KIF6: variants seen among roughly 807,000 people sequenced by gnomAD.
KIF6 encodes the protein kinesin family member 6.
KIF6 carries 106 observed loss-of-function variants against 112.7 expected under a neutral mutation model. The ratio of observed to expected loss-of-function variants is 0.94; its 90% CI spans 0.80 to 1.11. KIF6 has a LOEUF of 1.11. KIF6 is among the 50% of genes least tolerant of loss of function. KIF6 has a pLI of 0.00. For synonymous variants in KIF6, 339 were observed against 339.9 expected (o/e 1.00, Z 0.03); for missense variants, 929 against 964.0 (o/e 0.96, Z 0.48).
At chr6:39,603,315 C>T (rs982418366) in intron 6 of KIF6, among the ~76,000 whole-genome samples, 1 of 152,122 alleles carries the variant, frequency 6.6e-6, no homozygotes. Context: ...GGACACTTTA[C>T]ATAACATCAA....
chr6:39,491,724 G>T (rs1197798446), intron 13 of KIF6, among the ~76,000 whole-genome samples: 1 of 152,134 alleles, frequency 6.6e-6, no homozygotes, highest in Admixed American at 6.6e-5. Context: ...TATTGGTGAG[G>T]CTTAAAGGAA....
chr6:39,419,819 G>T, intron 15 of KIF6, 129 bp downstream of exon 15: 2 of 816,034 alleles, frequency 2.5e-6, no homozygotes, highest in Non-Finnish European at 4.4e-6. Context: ...TCTCAAAGCA[G>T]CTTCCTTGGC....
intron 9 of KIF6, 78 bp downstream of exon 9, chr6:39,584,820 G>T (rs1331495903): frequency 1.7e-5 from 14 of 840,144 alleles, no homozygotes; most frequent in Non-Finnish European, 2.4e-5. Context: ...CCAGTACAGA[G>T]CAAGTGCACC....
intron 3 of KIF6, among the ~76,000 whole-genome samples, chr6:39,657,787 T>A (rs1785890272): frequency 6.6e-6 from 1 of 152,230 alleles, no homozygotes; most frequent in African/African-American, 2.4e-5. Flanking sequence ...TAGTCTGCAA[T>A]GTTAAGATAG....
Position 39,579,353 on chromosome 6 carries a change from A to G in KIF6, c.1078-1194T>C, listed in dbSNP as rs115173107. 7.8e-3 allele frequency among the ~76,000 whole-genome samples: 1,182 copies of G among 152,270 alleles called. 19 individuals are homozygous for G. The highest frequency in any genetic ancestry group is 0.027 in the African/African-American group (1,123 of 41,560). ...GTGCAGTAGGTCATTTTGCATATGTATATTGGCAGTTTGGGTTCTTCCTTG... is the reference window on the plus strand; with the variant it reads ...GTGCAGTAGGTCATTTTGCATATGTGTATTGGCAGTTTGGGTTCTTCCTTG... On this transcript the variant is annotated intron_variant, in intron 9 of 22. Transcript: ENST00000287152.
intron 9 of KIF6, among the ~76,000 whole-genome samples, chr6:39,580,809 A>T (rs187269510): frequency 6.6e-6 from 1 of 152,252 alleles, no homozygotes; most frequent in African/African-American, 2.4e-5. Flanking sequence ...AACATTACAG[A>T]CCTGTCTGAA....
intron 3 of KIF6, among the ~76,000 whole-genome samples, chr6:39,682,453 T>C (rs1787581044): frequency 1.3e-5 from 2 of 152,204 alleles, no homozygotes; most frequent in South Asian, 4.1e-4. Flanking sequence ...AAAAATACAG[T>C]ATTATAATCT....
intron 3 of KIF6, among the ~76,000 whole-genome samples, chr6:39,673,495 G>GTA (rs1184632152): frequency 6.6e-6 from 1 of 152,118 alleles, no homozygotes; most frequent in East Asian, 1.9e-4. Context: ...CCAATATTGT[G>GTA]TATATGTTCT....
rs200376884 is a variant in KIF6 at position 39,509,850 on chromosome 6, G to A, written c.1645+30153C>T. 2.5e-4 allele frequency among the ~76,000 whole-genome samples: 38 copies of A among 152,210 alleles called. No homozygotes were observed. In the East Asian group the frequency reaches 6.7e-3, roughly 27 times the overall value. ...GAACTTCCCCAACCTAGCAAGGCAG[G>A]CCAACATTCAAATTCAGAAAATACA... On this transcript the variant is annotated intron_variant, in intron 13 of 22. Transcript: ENST00000287152.
chr6:39,409,404 A>G (rs1769323578), intron 15 of KIF6, among the ~76,000 whole-genome samples: 1 of 152,156 alleles, frequency 6.6e-6, no homozygotes, highest in Non-Finnish European at 1.5e-5. Context: ...TTTGTTCATG[A>G]GATGCCTCAT....
Position 39,595,973 on chromosome 6 carries a change from C to A in KIF6, c.846+81G>T, listed in dbSNP as rs183160624. 5 of 1,088,052 alleles carry A rather than the reference C, an allele frequency of 4.6e-6. No homozygotes were observed. The Admixed American group carries it at 1.2e-4, about 26-fold the overall frequency. 67.4% of individuals were successfully genotyped at this position (1,088,052 alleles called of 1,614,324 possible). A position where few individuals can be genotyped will look rare whatever the true frequency, so the allele number is the denominator to read the frequency against. On this transcript the variant is annotated intron_variant, in intron 7 of 22. Transcript: ENST00000287152. ...ATATTTCATCATAATAAAAAAAATT[C>A]TAATAGAATGCCTGATACATAGTAT...
chr6:39,357,048 T>C (rs1207851916), intron 19 of KIF6, among the ~76,000 whole-genome samples: 1 of 152,172 alleles, frequency 6.6e-6, no homozygotes, highest in African/African-American at 2.4e-5. Flanking sequence ...CTTGTTACCA[T>C]GGCAGTAGGT....
intron 10 of KIF6, among the ~76,000 whole-genome samples, chr6:39,569,027 C>G (rs1476431944): frequency 6.6e-6 from 1 of 152,032 alleles, no homozygotes; most frequent in Non-Finnish European, 1.5e-5. Context: ...TCATAGTTTC[C>G]TGAAATCCAC....
At chr6:39,705,931 A>T (rs1789181018) in intron 3 of KIF6, among the ~76,000 whole-genome samples, 1 of 152,168 alleles carries the variant, frequency 6.6e-6, no homozygotes, top group South Asian at 2.1e-4. Context: ...CTGGAATCCT[A>T]GCCTCAGGAT....
Position 39,637,788 on chromosome 6 carries a change from A to G in KIF6, c.399+1822T>C, listed in dbSNP as rs1870475. On this transcript the variant is annotated intron_variant, in intron 4 of 22. Coordinates refer to ENST00000287152, the MANE Select transcript of KIF6 (RefSeq NM_145027.6). ...GATTATAATGAATGTGTTATGCCCC[A>G]TCATGAAAATATGTTCATTTACAAA... Among the ~76,000 whole-genome samples the G allele has an allele frequency of 8.0e-3, 1,223 of 152,132 alleles. 16 individuals carry two copies. The highest frequency in any genetic ancestry group is 0.028 in the African/African-American group (1,167 of 41,528).
intron 16 of KIF6, among the ~76,000 whole-genome samples, chr6:39,380,701 G>C (rs1766859158): frequency 6.6e-6 from 1 of 151,632 alleles, no homozygotes; most frequent in Admixed American, 6.6e-5. Context: ...AATATTTCCA[G>C]CATGGCTGAT....
chr6:39,620,472 C>T (rs1017020408), intron 5 of KIF6: 2 of 152,142 alleles, frequency 1.3e-5, no homozygotes, highest in Non-Finnish European at 2.9e-5. Flanking sequence ...TAGCTTTATA[C>T]ACCTCTTAGT....
intron 13 of KIF6, among the ~76,000 whole-genome samples, chr6:39,471,345 T>C (rs1774107058): frequency 6.6e-6 from 1 of 152,146 alleles, no homozygotes; most frequent in African/African-American, 2.4e-5. Flanking sequence ...AGGCCCACAC[T>C]CAGCCTTCTC....
chr6:39,659,968 A>G (rs1410478208), intron 3 of KIF6, among the ~76,000 whole-genome samples: 1 of 152,180 alleles, frequency 6.6e-6, no homozygotes, highest in Non-Finnish European at 1.5e-5. Context: ...ACCTAGCCAT[A>G]TTAAATTTAT....
Sources: gnomAD v4.1 joint callset for allele counts (sites outside exome capture counted in the v4.1 genomes callset) on GRCh38, gnomAD v4.1.1 for gene constraint, MANE v1.5 for transcripts, NCBI Gene and HGNC (gene_info 2026-07-23, HGNC 2026-07-21) for gene names.